EPHA6: variants seen among roughly 807,000 people sequenced by gnomAD.
EPHA6 encodes EPH receptor A6.
In EPHA6, 50 loss-of-function variants were observed where a neutral mutation model predicts 112.0. That is an observed-to-expected ratio of 0.45 (90% CI 0.36 to 0.56). The LOEUF is 0.56. EPHA6 is among the 20% of genes least tolerant of loss of function. The probability of loss-of-function intolerance (pLI) is 0.00; values close to 1 mark genes in which losing one functional copy is unlikely to be tolerated. For synonymous variants in EPHA6, 529 were observed against 490.7 expected, an observed-to-expected ratio of 1.08 and a Z score of -1.03; for missense variants, 1,280 against 1,417.4, an observed-to-expected ratio of 0.90 and a Z score of 1.56.
chr3:97,258,695 T>C (rs535744442), intron 5 of EPHA6, among the ~76,000 whole-genome samples: 1 of 152,250 alleles, frequency 6.6e-6, no homozygotes, highest in African/African-American at 2.4e-5. Context: ...GGTCAAAATC[T>C]GATCAACTCT....
At chr3:97,446,617 G>A (rs1372910293) in intron 6 of EPHA6, among the ~76,000 whole-genome samples, 1 of 151,962 alleles carries the variant, frequency 6.6e-6, no homozygotes, top group Non-Finnish European at 1.5e-5. Context: ...ATTTCACACT[G>A]TGAGACAGCA....
intron 5 of EPHA6, among the ~76,000 whole-genome samples, chr3:97,335,893 A>T (rs2083033942): frequency 6.6e-6 from 1 of 151,988 alleles, no homozygotes; most frequent in Non-Finnish European, 1.5e-5. Flanking sequence ...TCAGAGATGA[A>T]ATCATAGAGT....
intron 3 of EPHA6, among the ~76,000 whole-genome samples, chr3:97,131,280 A>G (rs2075609880): frequency 6.6e-6 from 1 of 152,132 alleles, no homozygotes; most frequent in Non-Finnish European, 1.5e-5. Flanking sequence ...ATGGGTTCAT[A>G]TAGAAATAAA....
At chr3:97,309,426 C>A (rs1023038670) in intron 5 of EPHA6, among the ~76,000 whole-genome samples, 1 of 151,392 alleles carries the variant, frequency 6.6e-6, no homozygotes. Context: ...TAATTGGATA[C>A]CTCCAAAACT....
intron 11 of EPHA6, among the ~76,000 whole-genome samples, chr3:97,536,520 A>T (rs747272061): frequency 6.6e-6 from 1 of 152,178 alleles, no homozygotes; most frequent in Non-Finnish European, 1.5e-5. Flanking sequence ...AATATTCCCT[A>T]AATATTCCAT....
At chr3:97,276,568 C>CT (rs2080088906) in intron 5 of EPHA6, among the ~76,000 whole-genome samples, 1 of 152,076 alleles carries the variant, frequency 6.6e-6, no homozygotes, top group Middle Eastern at 3.2e-3. Context: ...GGAATTGCAA[C>CT]TTTTTTTCTA....
chr3:97,157,204 T>C (rs2076308691), intron 3 of EPHA6, among the ~76,000 whole-genome samples: 2 of 152,124 alleles, frequency 1.3e-5, no homozygotes, highest in Non-Finnish European at 2.9e-5. Context: ...ACCATGAAGA[T>C]TAAGAAGTTT....
chr3:97,350,087 A>C (rs2083731396), intron 5 of EPHA6, among the ~76,000 whole-genome samples: 1 of 152,006 alleles, frequency 6.6e-6, no homozygotes, highest in Non-Finnish European at 1.5e-5. Flanking sequence ...AATGAAAGAC[A>C]TAGCATTGGA....
At chr3:97,370,031 G>T (rs956596619) in intron 5 of EPHA6, among the ~76,000 whole-genome samples, 3 of 152,130 alleles carry the variant, frequency 2.0e-5, no homozygotes, top group Non-Finnish European at 4.4e-5. Context: ...GCATTAATGT[G>T]ATTGATCTAC....
intron 1 of EPHA6, 103 bp downstream of exon 1, chr3:96,815,111 A>G: frequency 8.5e-7 from 1 of 1,173,622 alleles, no homozygotes; most frequent in Non-Finnish European, 1.2e-6. Flanking sequence ...CAGGGGTCAG[A>G]GTCTCCTGGC....
intron 3 of EPHA6, among the ~76,000 whole-genome samples, chr3:97,062,927 G>A (rs2046066965): frequency 6.6e-6 from 1 of 151,742 alleles, no homozygotes; most frequent in South Asian, 2.1e-4. Flanking sequence ...TATACATGTG[G>A]CCAACAATTA....
chr3:97,322,354 G>T (rs917577453), intron 5 of EPHA6, among the ~76,000 whole-genome samples: 1 of 151,898 alleles, frequency 6.6e-6, no homozygotes, highest in Non-Finnish European at 1.5e-5. Context: ...GTTTATGGAA[G>T]GCAAACTCAG....
intron 3 of EPHA6, among the ~76,000 whole-genome samples, chr3:97,135,852 A>C (rs2075755287): frequency 6.6e-6 from 1 of 151,650 alleles, no homozygotes; most frequent in South Asian, 2.1e-4. Flanking sequence ...CGCTGGATTA[A>C]ATGCCACACA....
intron 3 of EPHA6, among the ~76,000 whole-genome samples, chr3:96,998,033 T>C (rs569231220): frequency 6.6e-6 from 1 of 152,144 alleles, no homozygotes; most frequent in Admixed American, 6.6e-5. Flanking sequence ...TTTACACATA[T>C]TTAATACCAA....
intron 1 of EPHA6, among the ~76,000 whole-genome samples, chr3:96,847,780 T>C (rs1014850674): frequency 4.6e-5 from 7 of 152,076 alleles, no homozygotes; most frequent in Non-Finnish European, 1.0e-4. Flanking sequence ...CCTATGAAGG[T>C]ATGAAGTAAA....
Position 97,097,784 on chromosome 3 carries a change from G to A in EPHA6, c.1114+109791G>A, listed in dbSNP as rs1010637763. Among the ~76,000 whole-genome samples the A allele has an allele frequency of 4.0e-5, 6 of 151,830 alleles. No individual in the cohort carries two copies. In the South Asian group the frequency reaches 1.2e-3, roughly 32 times the overall value. ...ATTTAATGCTAAGAAATGCTTCCTG[G>A]TATTTTAATCACATAGCAGATAAAT... On this transcript the variant is annotated intron_variant, in intron 3 of 17. Coordinates refer to ENST00000389672, the MANE Select transcript of EPHA6 (RefSeq NM_001080448.3).
intron 5 of EPHA6, among the ~76,000 whole-genome samples, chr3:97,360,950 G>C (rs1299664391): frequency 6.6e-6 from 1 of 152,160 alleles, no homozygotes; most frequent in South Asian, 2.1e-4. Context: ...TATTAGCTCA[G>C]TGAAGTATCT....
chr3:97,439,726 T>G (rs2090037102), intron 6 of EPHA6: 1 of 591,686 alleles, frequency 1.7e-6, no homozygotes, highest in Non-Finnish European at 2.1e-6. Flanking sequence ...GTTCATTTAC[T>G]TAGGAAAAGA....
At chr3:97,735,431 G>A (rs2035211414) in intron 15 of EPHA6, among the ~76,000 whole-genome samples, 1 of 152,020 alleles carries the variant, frequency 6.6e-6, no homozygotes, top group Non-Finnish European at 1.5e-5. Context: ...CTAAATTAAT[G>A]ATGAAGAAAG....
Sources: allele counts gnomAD v4.1 joint callset (sites outside exome capture counted in the v4.1 genomes callset), GRCh38; gene constraint gnomAD v4.1.1; transcripts MANE v1.5; gene names NCBI Gene and HGNC (gene_info 2026-07-23, HGNC 2026-07-21).